CELF2: variants seen among roughly 807,000 people sequenced by gnomAD.
CELF2 encodes the protein CUG triplet repeat RNA-binding protein 2.
CELF2 carries 8 observed loss-of-function variants against 62.6 expected under a neutral mutation model. The observed-to-expected ratio is 0.13, with a 90% CI of 0.07 to 0.23. The LOEUF (loss-of-function observed/expected upper bound fraction) is 0.23, where lower values mean the gene tolerates loss of function less well. CELF2 is among the 10% of genes least tolerant of loss of function. CELF2 has a pLI of 1.00. For missense variants in CELF2, 333 were observed against 671.0 expected, an observed-to-expected ratio of 0.50 and a Z score of 5.56; for synonymous variants, 258 against 250.0, an observed-to-expected ratio of 1.03 and a Z score of -0.30.
At chr10:10,833,426 G>A (rs1224044017) in intron 1 of CELF2, among the ~76,000 whole-genome samples, 3 of 152,208 alleles carry the variant, frequency 2.0e-5, no homozygotes, top group Non-Finnish European at 4.4e-5. Flanking sequence ...CAGAGAAGCT[G>A]TCCAATATCT....
At chr10:10,949,986 A>T (rs1218427614) in intron 2 of CELF2, among the ~76,000 whole-genome samples, 2 of 152,156 alleles carry the variant, frequency 1.3e-5, no homozygotes, top group African/African-American at 4.8e-5. Flanking sequence ...AGGGCACAGC[A>T]TTCCCTTTCT....
intron 2 of CELF2, among the ~76,000 whole-genome samples, chr10:11,196,105 T>C (rs918950521): frequency 1.4e-4 from 22 of 152,302 alleles, no homozygotes; most frequent in African/African-American, 5.1e-4. Flanking sequence ...AATTCATAAT[T>C]AGGCTATTTT....
Position 11,328,667 on chromosome 10 carries a change from G to C in CELF2, c.1439-259G>C, listed in dbSNP as rs899328922. Among the ~76,000 whole-genome samples, 2 of 152,224 alleles carry C rather than the reference G, an allele frequency of 1.3e-5. No homozygotes were observed. Among genetic ancestry groups the C allele is most frequent in the Non-Finnish European group, 1.5e-5 (1 of 68,020 alleles). ...TGAATTCAGCCAAACAATTGAGTCT[G>C]AGGTTTCAGTGTTGTGGGGAGGGGT... On this transcript the variant is annotated intron_variant, in intron 12 of 12. Coordinates refer to ENST00000633077, the MANE Select transcript of CELF2 (RefSeq NM_001326342.2). This position sits in a 1 kb window ranked among gnomAD's most constrained non-coding sequence, Gnocchi z 6.4.
the CELF2 span, among the ~76,000 whole-genome samples, chr10:10,564,668 A>ACACG: frequency 1.0e-5 from 1 of 98,528 alleles, no homozygotes. Context: ...ACACACACAC[A>ACACG]CACACGCACA....
At chr10:10,980,209 G>C (rs910914272) in intron 2 of CELF2, among the ~76,000 whole-genome samples, 1 of 152,304 alleles carries the variant, frequency 6.6e-6, no homozygotes, top group East Asian at 1.9e-4. Flanking sequence ...CCTTGGCTTC[G>C]TTTTCTTTTC....
intron 2 of CELF2, among the ~76,000 whole-genome samples, chr10:11,170,354 A>T (rs900940984): frequency 1.3e-5 from 2 of 152,214 alleles, no homozygotes; most frequent in Non-Finnish European, 2.9e-5. Context: ...TGAAGTCCCA[A>T]TGAATTGAAG....
At chr10:10,749,331 A>C in the CELF2 span, among the ~76,000 whole-genome samples, 1 of 152,184 alleles carries the variant, frequency 6.6e-6, no homozygotes. Flanking sequence ...TCCCTCTATA[A>C]TAAATAGGCT....
At chr10:10,719,425 ATT>A in the CELF2 span, among the ~76,000 whole-genome samples, 56 of 151,814 alleles carry the variant, frequency 3.7e-4, no homozygotes, top group African/African-American at 1.3e-3. Flanking sequence ...GGCCTGGCTA[ATT>A]TTTTTTGTTG....
intron 3 of CELF2, among the ~76,000 whole-genome samples, chr10:11,240,711 T>C (rs1161087558): frequency 6.6e-6 from 1 of 152,258 alleles, no homozygotes; most frequent in African/African-American, 2.4e-5. Context: ...ATTGTATGTG[T>C]ATATGCAAAT....
At chr10:10,961,864 C>T (rs1005713655) in intron 2 of CELF2, among the ~76,000 whole-genome samples, 2 of 151,950 alleles carry the variant, frequency 1.3e-5, no homozygotes, top group African/African-American at 4.8e-5. Flanking sequence ...TTTCCTTTTC[C>T]TTCCCTCAGA....
chr10:10,894,257 A>C (rs913487051), intron 1 of CELF2, among the ~76,000 whole-genome samples: 4 of 152,186 alleles, frequency 2.6e-5, no homozygotes, highest in Admixed American at 6.5e-5. Flanking sequence ...TTTAAAATGG[A>C]TTATAAAGAG....
At chr10:10,682,909 G>T in the CELF2 span, among the ~76,000 whole-genome samples, 711 of 152,114 alleles carry the variant, frequency 4.7e-3, 33 homozygotes, top group East Asian at 0.1. Context: ...TCTGTTTTGA[G>T]AATGGAAGCA....
chr10:11,210,094 G>A (rs1053501717), intron 2 of CELF2, among the ~76,000 whole-genome samples: 8 of 152,192 alleles, frequency 5.3e-5, no homozygotes, highest in Non-Finnish European at 1.0e-4. Flanking sequence ...CAAAGGCAGC[G>A]TGTAAAGGAA....
intron 1 of CELF2, among the ~76,000 whole-genome samples, chr10:11,093,556 T>C (rs184245422): frequency 1.3e-5 from 2 of 152,308 alleles, no homozygotes; most frequent in East Asian, 3.9e-4. Flanking sequence ...ATCACTACCT[T>C]CAAGTCATCA....
At chr10:10,675,514 G>A in the CELF2 span, among the ~76,000 whole-genome samples, 1 of 152,010 alleles carries the variant, frequency 6.6e-6, no homozygotes, top group South Asian at 2.1e-4. Flanking sequence ...GTGGTTTGGT[G>A]TCTGACATAA....
At chr10:10,667,540 A>G in the CELF2 span, among the ~76,000 whole-genome samples, 2 of 152,236 alleles carry the variant, frequency 1.3e-5, no homozygotes, top group Non-Finnish European at 2.9e-5. Context: ...CTTAAAGAGT[A>G]TGTAAACTGG....
chr10:11,324,169 A>G lies in CELF2; in HGVS notation c.1295-1667A>G, dbSNP rs371146198. Among the ~76,000 whole-genome samples, 1 of 152,252 alleles carries G rather than the reference A, an allele frequency of 6.6e-6. No individual in the cohort carries two copies. The highest frequency in any genetic ancestry group is 1.5e-5 in the Non-Finnish European group (1 of 68,044). ...TCTAGAAAGCTAGGATTACTCAGGC[A>G]TACCCAGTCATCTGTCATGTGCATT... On this transcript the variant is annotated intron_variant, in intron 11 of 12. Coordinates refer to ENST00000633077, the MANE Select transcript of CELF2 (RefSeq NM_001326342.2). This position sits in a 1 kb window ranked among gnomAD's most constrained non-coding sequence, Gnocchi z 4.7.
At chr10:10,836,984 T>C (rs1166076136) in intron 1 of CELF2, among the ~76,000 whole-genome samples, 1 of 152,210 alleles carries the variant, frequency 6.6e-6, no homozygotes, top group East Asian at 1.9e-4. Context: ...TCTGGTTAAA[T>C]TGAACTAATC....
At chr10:10,592,021 C>CAA in the CELF2 span, among the ~76,000 whole-genome samples, 2 of 141,822 alleles carry the variant, frequency 1.4e-5, no homozygotes, top group African/African-American at 5.2e-5. Context: ...GGCCAAAAGA[C>CAA]AAAAAAAAAA....
Sources: gnomAD v4.1 joint callset for allele counts (sites outside exome capture counted in the v4.1 genomes callset) on GRCh38, gnomAD v4.1.1 for gene constraint, Gnocchi (gnomAD v3.1) non-coding constraint, MANE v1.5 for transcripts, NCBI Gene and HGNC (gene_info 2026-07-23, HGNC 2026-07-21) for gene names.